The following DNAH14 variants were observed in gnomAD, a reference collection of about 807,000 sequenced individuals.
DNAH14 encodes the protein axonemal beta dynein heavy chain 14.
In DNAH14, 478 loss-of-function variants were observed where a neutral mutation model predicts 520.9. That is an observed-to-expected ratio of 0.92 (90% CI 0.85 to 0.99). DNAH14 has a LOEUF of 0.99. DNAH14 is among the 50% of genes least tolerant of loss of function. The pLI is 0.00. For missense variants in DNAH14, 4,831 were observed against 5,234.5 expected (o/e 0.92, Z 2.38); for synonymous variants, 1,581 against 1,757.2 (o/e 0.90, Z 2.51).
intron 38 of DNAH14, among the ~76,000 whole-genome samples, chr1:225,197,789 T>C (rs577707147): frequency 1.3e-5 from 2 of 152,318 alleles, no homozygotes; most frequent in East Asian, 1.9e-4. Context: ...ATTTTATTTT[T>C]TTGCAGCTAG....
rs577787642 is a variant in DNAH14 at position 225,374,808 on chromosome 1, C to T, written c.12439C>T (p.Arg4147Ter). The T allele has an allele frequency of 1.0e-5, 16 of 1,551,526 alleles. No homozygotes were observed. Among genetic ancestry groups the T allele is most frequent in the African/African-American group, 1.4e-5 (1 of 73,116 alleles). The change falls in exon 78 of 86, where the codon CGA becomes TGA. Residue 4147 changes from arginine to a stop codon, truncating the protein, a stop_gained. Transcript: ENST00000682510. LOFTEE classifies it high-confidence loss of function. ...GGRVIDNWDK[R>*]CLKTLLYKFC... ...CCGGGTGATTGATAATTGGGACAAG[C>T]GATGCTTGAAGACCCTACTCTACAA...
intron 55 of DNAH14, among the ~76,000 whole-genome samples, chr1:225,291,548 C>A (rs531180375): frequency 1.3e-5 from 2 of 152,244 alleles, no homozygotes; most frequent in Admixed American, 6.5e-5. Context: ...TCCCAAGTAG[C>A]TGAGACTACA....
intron 35 of DNAH14, among the ~76,000 whole-genome samples, chr1:225,159,766 A>C (rs544850573): frequency 6.6e-6 from 1 of 152,312 alleles, no homozygotes; most frequent in Admixed American, 6.5e-5. Context: ...AATGAGGATA[A>C]TAGTGTCTGT....
chr1:225,343,330 T>C (rs2095230244), intron 69 of DNAH14, among the ~76,000 whole-genome samples: 2 of 152,182 alleles, frequency 1.3e-5, no homozygotes, highest in African/African-American at 4.8e-5. Context: ...ACTGCCTTAG[T>C]TTGGGGAAAT....
chr1:225,308,330 G>C lies in DNAH14; in HGVS notation c.9160G>C (p.Val3054Leu), dbSNP rs2094291876. Residue 3054 changes from valine to leucine, a missense_variant, in exon 60 of 86, where the codon GTT (valine) becomes CTT (leucine). Physicochemically the swap from Val to Leu is conservative, Grantham distance 32. Coordinates refer to ENST00000682510, the MANE Select transcript of DNAH14 (RefSeq NM_001367479.1). ...AAAACTACGGAAAGATTCACAAGTAGTTGAGAAAGTTCAGATGCTTGTTAA... is the reference window on the plus strand; with the variant it reads ...AAAACTACGGAAAGATTCACAAGTACTTGAGAAAGTTCAGATGCTTGTTAA... ...MEKLRKDSQVVEKVQMLVKQD... is the reference protein window; with the variant it reads ...MEKLRKDSQVLEKVQMLVKQD... 6.5e-7 allele frequency: 1 copy of C among 1,543,078 alleles called. No individual in the cohort carries two copies. The highest frequency in any genetic ancestry group is 8.7e-7 in the Non-Finnish European group (1 of 1,144,676).
intron 41 of DNAH14, among the ~76,000 whole-genome samples, chr1:225,224,352 A>G (rs2090335682): frequency 6.6e-6 from 1 of 151,720 alleles, no homozygotes; most frequent in Non-Finnish European, 1.5e-5. Context: ...ATTCCCCACC[A>G]GGATTAGTAG....
intron 77 of DNAH14, among the ~76,000 whole-genome samples, chr1:225,371,059 G>A (rs1259286076): frequency 2.0e-5 from 3 of 152,118 alleles, no homozygotes. Context: ...TTAAGAAACA[G>A]ATAGTATTAA....
chr1:225,312,096 T>C (rs2094379335), intron 60 of DNAH14, among the ~76,000 whole-genome samples: 1 of 152,150 alleles, frequency 6.6e-6, no homozygotes, highest in Non-Finnish European at 1.5e-5. Flanking sequence ...TGTTTTTCCG[T>C]TTGTTTGTGT....
intron 35 of DNAH14, among the ~76,000 whole-genome samples, chr1:225,162,591 A>T (rs919386244): frequency 6.6e-6 from 1 of 152,154 alleles, no homozygotes; most frequent in East Asian, 1.9e-4. Flanking sequence ...TGGTATTTTG[A>T]TAGGACTGCA....
Position 225,286,436 on chromosome 1 carries a change from C to A in DNAH14, c.8272-3449C>A, listed in dbSNP as rs1248400567. 2.0e-5 allele frequency among the ~76,000 whole-genome samples: 3 copies of A among 152,024 alleles called. 1 individual carries two copies. In the South Asian group the frequency reaches 6.3e-4, roughly 32 times the overall value. On this transcript the variant is annotated intron_variant, in intron 54 of 85. Coordinates refer to ENST00000682510, the MANE Select transcript of DNAH14 (RefSeq NM_001367479.1). ...TAAATATGTACAATTATCACATCAA[C>A]TAAAAAATAAAAGGAAAAAATAAAT...
intron 15 of DNAH14, among the ~76,000 whole-genome samples, chr1:225,047,911 C>A (rs1461999511): frequency 6.6e-6 from 1 of 152,094 alleles, no homozygotes; most frequent in South Asian, 2.1e-4. Flanking sequence ...CTTTCAGTAA[C>A]CTGGTTGATG....
At chr1:225,170,215 C>T (rs184594800) in intron 36 of DNAH14, among the ~76,000 whole-genome samples, 2 of 152,262 alleles carry the variant, frequency 1.3e-5, no homozygotes, top group Admixed American at 1.3e-4. Flanking sequence ...CATCAACTAA[C>T]AAGCAAAATA....
intron 42 of DNAH14, among the ~76,000 whole-genome samples, chr1:225,238,778 G>A (rs543761948): frequency 1.3e-5 from 2 of 152,058 alleles, no homozygotes; most frequent in African/African-American, 4.8e-5. Flanking sequence ...CTCCATCCCA[G>A]GGAGAGATCA....
chr1:225,148,362 G>T (rs2080144743), intron 31 of DNAH14, among the ~76,000 whole-genome samples: 1 of 135,482 alleles, frequency 7.4e-6, no homozygotes, highest in South Asian at 2.5e-4. Context: ...TTGTGGTTTT[G>T]ATTTGCTTTT....
chr1:225,000,232 T>C lies in DNAH14; in HGVS notation c.831-2551T>C, dbSNP rs529129897. Among the ~76,000 whole-genome samples the C allele has an allele frequency of 2.6e-5, 4 of 152,312 alleles. No homozygotes were observed. In the East Asian group the frequency reaches 7.7e-4, roughly 29 times the overall value. ...AGCACTTGAAAAACATTGTGTGACT[T>C]TCTTCTAACCATGGTCATTTGAATT... On this transcript the variant is annotated intron_variant, in intron 8 of 85. Coordinates refer to ENST00000682510, the MANE Select transcript of DNAH14 (RefSeq NM_001367479.1).
intron 36 of DNAH14, among the ~76,000 whole-genome samples, chr1:225,171,759 A>C (rs2149230829): frequency 6.6e-6 from 1 of 152,326 alleles, no homozygotes; most frequent in East Asian, 1.9e-4. Flanking sequence ...AATCCTCCCT[A>C]ACTCATTTTA....
chr1:225,144,931 G>A (rs1425185460), intron 29 of DNAH14, among the ~76,000 whole-genome samples: 1 of 151,890 alleles, frequency 6.6e-6, no homozygotes, highest in African/African-American at 2.4e-5. Flanking sequence ...ATGTGTGTGT[G>A]AAAGAGAGAG....
chr1:225,303,874 A>G (rs1264855709), intron 57 of DNAH14, among the ~76,000 whole-genome samples: 1 of 152,178 alleles, frequency 6.6e-6, no homozygotes, highest in African/African-American at 2.4e-5. Flanking sequence ...TGACCAAAGG[A>G]GCTGTAAATG....
chr1:225,297,299 A>G (rs1004878097), intron 55 of DNAH14, among the ~76,000 whole-genome samples: 5 of 152,012 alleles, frequency 3.3e-5, no homozygotes, highest in Non-Finnish European at 7.4e-5. Flanking sequence ...GTCTATCTTT[A>G]TCTTGTATCT....
Sources: gnomAD v4.1 joint callset for allele counts (sites outside exome capture counted in the v4.1 genomes callset) on GRCh38, gnomAD v4.1.1 for gene constraint, MANE v1.5 for transcripts, NCBI Gene and HGNC (gene_info 2026-07-23, HGNC 2026-07-21) for gene names.